MTMR7: variants seen among roughly 807,000 people sequenced by gnomAD.
MTMR7 encodes the protein phosphatidylinositol-3-phosphate phosphatase MTMR7.
Under a neutral mutation model 81.2 loss-of-function variants are expected in MTMR7, and 76 were observed. The ratio of observed to expected loss-of-function variants is 0.94; its 90% CI spans 0.78 to 1.13. MTMR7 has a LOEUF of 1.13. MTMR7 is among the 50% of genes most tolerant of loss of function. The pLI is 0.00. For missense variants in MTMR7, 1,044 were observed against 820.0 expected (o/e 1.27, Z -3.34); for synonymous variants, 372 against 289.8 (o/e 1.28, Z -2.88).
At chr8:17,303,964 G>C (rs144550299) in intron 12 of MTMR7, among the ~76,000 whole-genome samples, 1 of 152,276 alleles carries the variant, frequency 6.6e-6, no homozygotes, top group East Asian at 1.9e-4. Flanking sequence ...TGGTGCAAAA[G>C]TAATTGCGGT....
At chr8:17,313,139 C>A (rs1235846964) in intron 8 of MTMR7, among the ~76,000 whole-genome samples, 153 bp downstream of exon 8, 2 of 152,230 alleles carry the variant, frequency 1.3e-5, no homozygotes, top group Non-Finnish European at 2.9e-5. Context: ...AAAATCATAT[C>A]TTCAGCGCAC....
At chr8:17,360,701 G>C (rs1428272370) in intron 4 of MTMR7, among the ~76,000 whole-genome samples, 3 of 151,978 alleles carry the variant, frequency 2.0e-5, no homozygotes, top group Non-Finnish European at 1.5e-5. Flanking sequence ...TGTGTACCAA[G>C]CAAGGACTCA....
Position 17,361,248 on chromosome 8 carries a change from A to G in MTMR7, c.337T>C (p.Ser113Pro). Reference sequence around the variant, plus strand: ...TCTTTATCCAGCATGGGGTTGAATGAAAAGCAGTATAACTCCTCATATTTC... The same window carrying G: ...TCTTTATCCAGCATGGGGTTGAATGGAAAGCAGTATAACTCCTCATATTTC... ...PVKYEELYCF[S>P]FNPMLDKEER... The change falls in exon 4 of 14, where the codon TCA becomes CCA. Residue 113 changes from serine (S) to proline (P), a missense_variant. Ser to Pro is a moderately conservative substitution (Grantham distance 74). Transcript: ENST00000180173. 2 of 1,614,218 alleles carry G rather than the reference A, an allele frequency of 1.2e-6. No homozygotes were observed. Among genetic ancestry groups the G allele is most frequent in the Non-Finnish European group, 1.7e-6 (2 of 1,180,026 alleles).
At chr8:17,301,952 CCA>C in intron 13 of MTMR7, 200 bp downstream of exon 13, 1 of 564,660 alleles carries the variant, frequency 1.8e-6, no homozygotes, top group Non-Finnish European at 2.9e-6. Flanking sequence ...GAGCCACAAA[CCA>C]GATGTGTGAA....
chr8:17,307,589 A>T (rs1260488559), intron 10 of MTMR7, among the ~76,000 whole-genome samples: 1 of 152,138 alleles, frequency 6.6e-6, no homozygotes, highest in African/African-American at 2.4e-5. Context: ...ATGCACATGA[A>T]TGTTTATAGC....
In MTMR7 at chr8:17,298,248, A is replaced by G. The variant is rs183564407; in HGVS notation, c.*1614T>C. ...CAAGGTATTCCCTATTACATATAGT[A>G]TATTGCAGAAAATGAATAAACATTC... On this transcript the variant is annotated 3_prime_UTR_variant, in exon 14 of 14. Coordinates refer to ENST00000180173, the MANE Select transcript of MTMR7 (RefSeq NM_004686.5). 9.9e-4 allele frequency: 151 copies of G among 152,222 alleles called. 2 individuals carry two copies. Among genetic ancestry groups the G allele is most frequent in the African/African-American group, 3.5e-3 (147 of 41,590 alleles). 9.4% of individuals were successfully genotyped at this position (152,222 alleles called of 1,614,324 possible). A position where few individuals can be genotyped will look rare whatever the true frequency, so the allele number is the denominator to read the frequency against.
chr8:17,395,853 T>C (rs1294382650), intron 1 of MTMR7, among the ~76,000 whole-genome samples: 5 of 152,094 alleles, frequency 3.3e-5, no homozygotes, highest in South Asian at 2.1e-4. Context: ...CACCTAAGCA[T>C]AGAAACCAGA....
chr8:17,325,267 C>T (rs1258487543), intron 7 of MTMR7, among the ~76,000 whole-genome samples: 1 of 152,080 alleles, frequency 6.6e-6, no homozygotes, highest in Non-Finnish European at 1.5e-5. Flanking sequence ...AACATGTGAC[C>T]GTCATACCCA....
At position 17,300,007 on chromosome 8, in the gene MTMR7, G is replaced by C; in HGVS notation, c.1838C>G (p.Ser613Ter). 2 of 1,614,136 alleles carry C rather than the reference G, an allele frequency of 1.2e-6. No individual in the cohort carries two copies. The highest frequency in any genetic ancestry group is 1.7e-6 in the Non-Finnish European group (2 of 1,180,016). The change falls in exon 14 of 14, where the codon TCA (serine) becomes TGA (stop). Residue 613 changes from serine (S) to a stop codon, truncating the protein, a stop_gained. Transcript: ENST00000180173. LOFTEE classifies it high-confidence loss of function. The stretch of plus-strand genomic sequence containing the variant: ...ACTGTTGGCTGACAGATCTGGATCT[G>C]AACTTTTCAGATTGTCTTGGGTTAG... ...LILTQDNLKS[S>*]DPDLSANSDQ...
intron 1 of MTMR7, among the ~76,000 whole-genome samples, chr8:17,407,823 T>C (rs1479847870): frequency 6.6e-6 from 1 of 152,194 alleles, no homozygotes; most frequent in Admixed American, 6.5e-5. Context: ...CAGAAAATTA[T>C]TATTTGCTAA....
intron 1 of MTMR7, among the ~76,000 whole-genome samples, chr8:17,388,537 G>C (rs923532505): frequency 2.6e-5 from 4 of 152,188 alleles, no homozygotes; most frequent in Non-Finnish European, 5.9e-5. Context: ...AGGCTCATTT[G>C]ATTATGATTT....
At chr8:17,340,578 G>C (rs746917661) in intron 6 of MTMR7, among the ~76,000 whole-genome samples, 7 of 152,118 alleles carry the variant, frequency 4.6e-5, no homozygotes, top group Admixed American at 1.3e-4. Flanking sequence ...GAATTTTATT[G>C]GACTTAACAC....
intron 1 of MTMR7, among the ~76,000 whole-genome samples, chr8:17,402,858 C>A (rs1585125358): frequency 6.6e-6 from 1 of 152,280 alleles, no homozygotes; most frequent in African/African-American, 2.4e-5. Flanking sequence ...TTTACATTCC[C>A]ACCAACAGTG....
chr8:17,306,364 G>A (rs1366886084), intron 10 of MTMR7, among the ~76,000 whole-genome samples: 1 of 151,860 alleles, frequency 6.6e-6, no homozygotes, highest in African/African-American at 2.4e-5. Context: ...TGTTTTGTTG[G>A]GAAGGGATGA....
chr8:17,306,927 T>C (rs887269047), intron 10 of MTMR7, among the ~76,000 whole-genome samples: 50 of 151,986 alleles, frequency 3.3e-4, no homozygotes, highest in Non-Finnish European at 3.4e-4. Context: ...CCTAAAACTA[T>C]AAAAAACCCT....
intron 5 of MTMR7, among the ~76,000 whole-genome samples, chr8:17,344,200 G>C (rs1819489043): frequency 1.3e-5 from 2 of 152,196 alleles, no homozygotes; most frequent in African/African-American, 4.8e-5. Flanking sequence ...CACACAGTTA[G>C]TAAATAGGGA....
intron 3 of MTMR7, among the ~76,000 whole-genome samples, chr8:17,367,257 G>T (rs755196003): frequency 2.6e-5 from 4 of 152,062 alleles, no homozygotes; most frequent in Non-Finnish European, 5.9e-5. Context: ...TTTAGGAAAA[G>T]GGGGAAAACA....
chr8:17,307,155 AAATCCAG>A, intron 10 of MTMR7, among the ~76,000 whole-genome samples: 1 of 152,316 alleles, frequency 6.6e-6, no homozygotes, highest in East Asian at 1.9e-4. Flanking sequence ...CAAAGGGCTA[AAATCCAG>A]AATCTAAAAT....
chr8:17,380,730 T>C (rs996388280), intron 1 of MTMR7, among the ~76,000 whole-genome samples: 4 of 152,220 alleles, frequency 2.6e-5, no homozygotes, highest in African/African-American at 9.7e-5. Context: ...TGGTGAGCAC[T>C]TGTAAATGCC....
Sources: allele counts gnomAD v4.1 joint callset (sites outside exome capture counted in the v4.1 genomes callset), GRCh38; gene constraint gnomAD v4.1.1; transcripts MANE v1.5; gene names NCBI Gene and HGNC (gene_info 2026-07-23, HGNC 2026-07-21).